SIK3: variants seen among roughly 807,000 people sequenced by gnomAD.
SIK3 encodes serine/threonine-protein kinase SIK3.
A neutral mutation model predicts 144.2 loss-of-function variants in SIK3; 28 were observed. The ratio of observed to expected loss-of-function variants is 0.19; its 90% CI spans 0.14 to 0.27. The LOEUF (loss-of-function observed/expected upper bound fraction) is 0.27. SIK3 is among the 10% of genes least tolerant of loss of function. The pLI is 1.00. For missense variants in SIK3, 1,319 were observed against 1,776.0 expected, an observed-to-expected ratio of 0.74 and a Z score of 4.62; for synonymous variants, 686 against 676.3, an observed-to-expected ratio of 1.01 and a Z score of -0.22.
chr11:117,006,657 G>A (rs986227136), intron 1 of SIK3, among the ~76,000 whole-genome samples: 3 of 151,418 alleles, frequency 2.0e-5, no homozygotes, highest in Non-Finnish European at 4.4e-5. Flanking sequence ...AAGAAAGAAA[G>A]AAAGAAAAAA....
chr11:117,061,756 GATT>G (rs1214025312), intron 1 of SIK3, among the ~76,000 whole-genome samples: 1 of 152,126 alleles, frequency 6.6e-6, no homozygotes, highest in Admixed American at 6.6e-5. Flanking sequence ...TCGCTGGTAT[GATT>G]ATTATCAATC....
intron 1 of SIK3, among the ~76,000 whole-genome samples, chr11:117,052,514 A>G (rs533075734): frequency 4.3e-4 from 66 of 152,216 alleles, no homozygotes; most frequent in Non-Finnish European, 8.7e-4. Flanking sequence ...TCATGTTTAC[A>G]ATAAAGAAAT....
chr11:116,888,084 T>C (rs1449595534), intron 6 of SIK3, among the ~76,000 whole-genome samples: 1 of 152,188 alleles, frequency 6.6e-6, no homozygotes, highest in Non-Finnish European at 1.5e-5. Context: ...CCCACACAGC[T>C]GTATGTAGCT....
At chr11:117,086,412 C>T (rs1474455845) in intron 1 of SIK3, among the ~76,000 whole-genome samples, 1 of 152,236 alleles carries the variant, frequency 6.6e-6, no homozygotes, top group African/African-American at 2.4e-5. Flanking sequence ...CAATGGTAGG[C>T]TGGGTGCAGT....
At chr11:117,042,943 G>T (rs1952810546) in intron 1 of SIK3, among the ~76,000 whole-genome samples, 1 of 152,182 alleles carries the variant, frequency 6.6e-6, no homozygotes, top group African/African-American at 2.4e-5. Flanking sequence ...GAAAGATTAT[G>T]TATTGTGCAA....
intron 3 of SIK3, among the ~76,000 whole-genome samples, chr11:116,949,169 T>C (rs1948814253): frequency 6.6e-6 from 1 of 152,152 alleles, no homozygotes; most frequent in Non-Finnish European, 1.5e-5. Context: ...ATCAATAACC[T>C]AAGGAGCTAT....
intron 6 of SIK3, among the ~76,000 whole-genome samples, chr11:116,889,526 C>T (rs1944993419): frequency 6.6e-6 from 1 of 152,176 alleles, no homozygotes; most frequent in African/African-American, 2.4e-5. Context: ...ATGGTCATAC[C>T]ACTAGGCTCT....
At chr11:116,974,110 T>C (rs1949864264) in intron 1 of SIK3, among the ~76,000 whole-genome samples, 1 of 152,216 alleles carries the variant, frequency 6.6e-6, no homozygotes, top group South Asian at 2.1e-4. Context: ...CCGTGGGGTA[T>C]TTGGGACCTC....
rs2134552161 is a variant in SIK3 at position 116,875,285 on chromosome 11, A to G, written c.1318-18T>C. 1.2e-6 allele frequency: 2 copies of G among 1,613,526 alleles called. No individual in the cohort carries two copies. The highest frequency in any genetic ancestry group is 1.7e-6 in the Non-Finnish European group (2 of 1,179,498). ...CCATCCGGCTGAGGTGGAGGGAAAC[A>G]CCATCGAGTTAGAAATCAGAAGGAA... On this transcript the variant is annotated intron_variant, in intron 10 of 24. Transcript: ENST00000445177.
At chr11:116,881,576 T>C (rs1219676269) in intron 6 of SIK3, among the ~76,000 whole-genome samples, 4 of 152,168 alleles carry the variant, frequency 2.6e-5, no homozygotes, top group Non-Finnish European at 4.4e-5. Flanking sequence ...AAAACAAATT[T>C]CTCTAAGTGG....
At chr11:116,860,974 G>A (rs1943290962) in intron 19 of SIK3, among the ~76,000 whole-genome samples, 1 of 152,182 alleles carries the variant, frequency 6.6e-6, no homozygotes, top group African/African-American at 2.4e-5. Flanking sequence ...GGCCTCCCCA[G>A]CCATGTGGAA....
At chr11:116,993,954 C>T (rs1950577805) in intron 1 of SIK3, among the ~76,000 whole-genome samples, 1 of 152,200 alleles carries the variant, frequency 6.6e-6, no homozygotes, top group African/African-American at 2.4e-5. Context: ...ACGAAACAGA[C>T]ATGTGTTTGT....
At chr11:116,967,364 T>C (rs1949597295) in intron 1 of SIK3, among the ~76,000 whole-genome samples, 1 of 152,250 alleles carries the variant, frequency 6.6e-6, no homozygotes, top group Non-Finnish European at 1.5e-5. Flanking sequence ...ATAATTTTCT[T>C]AAACTTCCCC....
intron 4 of SIK3, among the ~76,000 whole-genome samples, chr11:116,913,024 T>C (rs1007122210): frequency 6.6e-6 from 1 of 152,168 alleles, no homozygotes; most frequent in African/African-American, 2.4e-5. Context: ...GGCCAAACCA[T>C]ATGACCTAAG....
At chr11:116,904,435 C>T (rs1424368191) in intron 4 of SIK3, among the ~76,000 whole-genome samples, 3 of 152,132 alleles carry the variant, frequency 2.0e-5, no homozygotes, top group Non-Finnish European at 4.4e-5. Context: ...GAATGAAGAC[C>T]TTGGACTTCA....
intron 1 of SIK3, among the ~76,000 whole-genome samples, chr11:117,091,205 T>C (rs528083191): frequency 7.1e-4 from 101 of 142,446 alleles, no homozygotes; most frequent in African/African-American, 2.4e-3. Flanking sequence ...TTTTTCTTTT[T>C]TTTTTTTTTT....
At chr11:116,970,718 A>C (rs1267791018) in intron 1 of SIK3, among the ~76,000 whole-genome samples, 1 of 152,108 alleles carries the variant, frequency 6.6e-6, no homozygotes, top group Admixed American at 6.5e-5. Flanking sequence ...TGATGTGATA[A>C]TAGCTCACTG....
intron 3 of SIK3, among the ~76,000 whole-genome samples, chr11:116,931,545 T>C (rs978225409): frequency 1.3e-5 from 2 of 152,164 alleles, no homozygotes; most frequent in Non-Finnish European, 2.9e-5. Flanking sequence ...AAAATGAACA[T>C]ACCCTGACAG....
rs745825734 is a variant in SIK3, at chr11:117,085,606, G to C, written c.273+12537C>G. Among the ~76,000 whole-genome samples the C allele has an allele frequency of 3.9e-5, 6 of 152,164 alleles. No individual in the cohort carries two copies. The East Asian group carries it at 9.6e-4, about 24-fold the overall frequency. On this transcript the variant is annotated intron_variant, in intron 1 of 24. Coordinates refer to ENST00000445177, the MANE Select transcript of SIK3 (RefSeq NM_001366686.3). ...CACAAGATGACAACTGTTTAAACTA[G>C]GCGACAGGCACATAGGGGTTCATTA...
Sources: gnomAD v4.1 joint callset for allele counts (sites outside exome capture counted in the v4.1 genomes callset) on GRCh38, gnomAD v4.1.1 for gene constraint, MANE v1.5 for transcripts, NCBI Gene and HGNC (gene_info 2026-07-23, HGNC 2026-07-21) for gene names.